Variants in AUTS2 observed in about 807,000 individuals in gnomAD.
The protein encoded by AUTS2 is activator of transcription and developmental regulator AUTS2.
AUTS2 carries 17 observed loss-of-function variants against 112.4 expected under a neutral mutation model. That is an observed-to-expected ratio of 0.15 (90% CI 0.10 to 0.23). The LOEUF is 0.23. Ranked by LOEUF, AUTS2 falls within the 10% of genes least tolerant of loss-of-function variation. The probability of loss-of-function intolerance (pLI) is 1.00; values close to 1 mark genes in which losing one functional copy is unlikely to be tolerated. For missense variants in AUTS2, 1,510 were observed against 1,701.6 expected (o/e 0.89, Z 1.98); for synonymous variants, 751 against 702.7 (o/e 1.07, Z -1.09).
chr7:70,045,784 CTTTTTTTTT>C (rs746154629), intron 2 of AUTS2, among the ~76,000 whole-genome samples: 1 of 126,812 alleles, frequency 7.9e-6, no homozygotes, highest in East Asian at 2.2e-4. Flanking sequence ...AATTTTCTAC[CTTTTTTTTT>C]TTTTTTTTTT....
At position 70,351,343 on chromosome 7, in the gene AUTS2, C is replaced by T. The variant is rs75844531; in HGVS notation, c.661-84409C>T. Among the ~76,000 whole-genome samples, 795 of 152,248 alleles carry T rather than the reference C, an allele frequency of 5.2e-3. 19 individuals are homozygous for T. The highest frequency in any genetic ancestry group is 0.029 in the East Asian group (148 of 5,170). On this transcript the variant is annotated intron_variant, in intron 4 of 18. Transcript: ENST00000342771. ...TGTCTGGATTATAGGCGTGAGGCAC[C>T]GCGCCCAGCCGATTTCCTTCTTTTT...
At chr7:69,733,639 C>T (rs1443990059) in intron 1 of AUTS2, among the ~76,000 whole-genome samples, 4 of 152,186 alleles carry the variant, frequency 2.6e-5, no homozygotes, top group Middle Eastern at 3.4e-3. Context: ...TTTACAATGC[C>T]TGTGATGCTA....
At chr7:69,972,834 A>T (rs928757997) in intron 2 of AUTS2, among the ~76,000 whole-genome samples, 1 of 152,074 alleles carries the variant, frequency 6.6e-6, no homozygotes, top group Non-Finnish European at 1.5e-5. Context: ...GGGTTTCTCT[A>T]TTCCTCAATT....
At chr7:70,756,432 A>G (rs553417372) in intron 6 of AUTS2, among the ~76,000 whole-genome samples, 5 of 151,822 alleles carry the variant, frequency 3.3e-5, no homozygotes, top group African/African-American at 1.2e-4. Context: ...CAGACCCAGC[A>G]TAATAATAAG....
At chr7:69,861,506 A>G (rs916401895) in intron 1 of AUTS2, among the ~76,000 whole-genome samples, 6 of 152,158 alleles carry the variant, frequency 3.9e-5, no homozygotes, top group East Asian at 1.9e-4. Context: ...TACTTTCCAT[A>G]ATGTCAGCCG....
intron 4 of AUTS2, among the ~76,000 whole-genome samples, chr7:70,317,447 T>C (rs1222019929): frequency 1.3e-5 from 2 of 152,240 alleles, no homozygotes; most frequent in Non-Finnish European, 2.9e-5. Flanking sequence ...GCTCCCATTT[T>C]AAACACTTCA....
At chr7:70,764,372 C>T (rs1224117022) in intron 7 of AUTS2, among the ~76,000 whole-genome samples, 2 of 152,018 alleles carry the variant, frequency 1.3e-5, no homozygotes, top group African/African-American at 2.4e-5. Context: ...TTTTTTTATT[C>T]CTTTTTGTTA....
chr7:70,311,617 T>C (rs1320481664), intron 4 of AUTS2, among the ~76,000 whole-genome samples: 2 of 152,178 alleles, frequency 1.3e-5, no homozygotes, highest in African/African-American at 4.8e-5. Flanking sequence ...AGTGCAGTGA[T>C]GCAATCTTGG....
intron 5 of AUTS2, among the ~76,000 whole-genome samples, chr7:70,512,883 T>G (rs1312464227): frequency 2.0e-5 from 3 of 147,798 alleles, no homozygotes; most frequent in African/African-American, 7.5e-5. Context: ...CACTGGTGAG[T>G]GAAGTGTGGG....
At position 70,134,521 on chromosome 7, in the gene AUTS2, T is replaced by C; in HGVS notation, c.625-15T>C. The C allele has an allele frequency of 1.2e-6, 2 of 1,613,610 alleles. No homozygotes were observed. The highest frequency in any genetic ancestry group is 1.1e-5 in the South Asian group (1 of 91,066). ...ATTGCTGATTTTCCACTTTTGTCTT[T>C]ATGCTTTATTGCAGAGTTCAGCTCC... On this transcript the variant is annotated splice_polypyrimidine_tract_variant and intron_variant, in intron 3 of 18. Transcript: ENST00000342771.
At chr7:70,077,824 C>T (rs569007817) in intron 2 of AUTS2, among the ~76,000 whole-genome samples, 4 of 152,154 alleles carry the variant, frequency 2.6e-5, no homozygotes, top group Non-Finnish European at 5.9e-5. Flanking sequence ...CTTTCTTTTT[C>T]ACTGCCTCCT....
At chr7:70,690,266 G>GA (rs1639738782) in intron 5 of AUTS2, among the ~76,000 whole-genome samples, 1 of 152,222 alleles carries the variant, frequency 6.6e-6, no homozygotes, top group South Asian at 2.1e-4. Context: ...AGAGCTTGCA[G>GA]AACCTTTAGA....
chr7:69,805,722 A>G (rs1024704081), intron 1 of AUTS2, among the ~76,000 whole-genome samples: 1 of 152,162 alleles, frequency 6.6e-6, no homozygotes, highest in African/African-American at 2.4e-5. Context: ...TCCTGAGTCA[A>G]GTGTAGGAAG....
At chr7:70,692,654 T>C (rs1808812998) in intron 5 of AUTS2, among the ~76,000 whole-genome samples, 3 of 152,144 alleles carry the variant, frequency 2.0e-5, no homozygotes, top group Admixed American at 2.0e-4. Context: ...CACCACATTG[T>C]GCTACCAGTT....
chr7:70,450,577 A>G (rs1417833711), intron 5 of AUTS2, among the ~76,000 whole-genome samples: 2 of 152,206 alleles, frequency 1.3e-5, no homozygotes, highest in Admixed American at 1.3e-4. Context: ...ATATGTTGGT[A>G]TACACAGTTC....
chr7:70,372,544 A>G (rs1585070292), intron 4 of AUTS2, among the ~76,000 whole-genome samples: 1 of 152,136 alleles, frequency 6.6e-6, no homozygotes, highest in African/African-American at 2.4e-5. Flanking sequence ...GGAAACAAAC[A>G]GTAGGGGGAA....
At chr7:69,838,603 G>A (rs1393466146) in intron 1 of AUTS2, among the ~76,000 whole-genome samples, 1 of 152,180 alleles carries the variant, frequency 6.6e-6, no homozygotes, top group East Asian at 1.9e-4. Flanking sequence ...AGCTGGGCAG[G>A]AATAGTCCAG....
At chr7:70,291,926 C>T (rs943350843) in intron 4 of AUTS2, 2 of 152,186 alleles carry the variant, frequency 1.3e-5, no homozygotes, top group African/African-American at 4.8e-5. Context: ...ATAAGCAAAA[C>T]CGTCATTCAC....
At chr7:70,272,602 G>T (rs1787746205) in intron 4 of AUTS2, among the ~76,000 whole-genome samples, 2 of 151,970 alleles carry the variant, frequency 1.3e-5, no homozygotes, top group Admixed American at 6.6e-5. Context: ...AGGGGTATTG[G>T]GTTCTCTCGT....
Sources: gnomAD v4.1 joint callset for allele counts (sites outside exome capture counted in the v4.1 genomes callset) on GRCh38, gnomAD v4.1.1 for gene constraint, MANE v1.5 for transcripts, NCBI Gene and HGNC (gene_info 2026-07-23, HGNC 2026-07-21) for gene names.